RANBP9: variants seen among roughly 807,000 people sequenced by gnomAD.
RANBP9 encodes RAN binding protein 9, also known as ran-binding protein 9.
Under a neutral mutation model 84.3 loss-of-function variants are expected in RANBP9, and 15 were observed. The observed-to-expected ratio is 0.18, with a 90% confidence interval of 0.12 to 0.27. The LOEUF (loss-of-function observed/expected upper bound fraction) is 0.27. Among genes scored for constraint, RANBP9 ranks in the 10% least tolerant of loss-of-function variants. RANBP9 has a pLI of 1.00. For missense variants in RANBP9, 809 were observed against 912.8 expected, an observed-to-expected ratio of 0.89 and a Z score of 1.46; for synonymous variants, 392 against 349.6, an observed-to-expected ratio of 1.12 and a Z score of -1.35.
At chr6:13,651,485 C>T (rs1377639775) in intron 5 of RANBP9, among the ~76,000 whole-genome samples, 1 of 151,974 alleles carries the variant, frequency 6.6e-6, no homozygotes, top group African/African-American at 2.4e-5. Context: ...AGCTCCGCCT[C>T]CTGGGTTCAC....
chr6:13,710,159 G>C (rs1408792945), intron 1 of RANBP9, among the ~76,000 whole-genome samples: 1 of 152,182 alleles, frequency 6.6e-6, no homozygotes, highest in Admixed American at 6.5e-5. Flanking sequence ...ACAAGCCTAA[G>C]GTTGTTGTTT....
rs762326856 is a variant in RANBP9, at chr6:13,644,553, C to G, written c.1104G>C (p.Met368Ile). 4.3e-6 allele frequency: 7 copies of G among 1,610,474 alleles called. No individual in the cohort carries two copies. The highest frequency in any genetic ancestry group is 5.9e-6 in the Non-Finnish European group (7 of 1,178,646). The change falls in exon 6 of 14, where the codon ATG becomes ATC. Residue 368 changes from methionine to isoleucine, a missense_variant. This residue lies in a region of RANBP9 where 216 missense variants were observed against 329.0 expected (regional missense o/e 0.66). Transcript: ENST00000011619. ...AATTTCTTCACTCTTACTTTTGTAT[C>G]ATGGTCTGCCATTCTCCTTCTCGAT... ...IGDREGEWQTMIQKMVSSYLV... is the reference protein window; with the variant it reads ...IGDREGEWQTIIQKMVSSYLV...
At chr6:13,689,436 A>T (rs1034370535) in intron 2 of RANBP9, among the ~76,000 whole-genome samples, 2 of 151,754 alleles carry the variant, frequency 1.3e-5, no homozygotes, top group African/African-American at 4.8e-5. Flanking sequence ...ACACCCAGCT[A>T]ATTTTTGTAC....
intron 2 of RANBP9, among the ~76,000 whole-genome samples, chr6:13,673,031 C>G (rs1332007971): frequency 6.6e-6 from 1 of 152,160 alleles, no homozygotes; most frequent in Non-Finnish European, 1.5e-5. Flanking sequence ...GACAGATCCC[C>G]CAAACCCCAA....
intron 2 of RANBP9, among the ~76,000 whole-genome samples, chr6:13,688,723 C>T (rs1766248716): frequency 1.3e-5 from 2 of 151,632 alleles, no homozygotes; most frequent in South Asian, 4.2e-4. Context: ...CCTCAGGCAA[C>T]CGCCTCACAA....
At chr6:13,683,183 A>C (rs966691915) in intron 2 of RANBP9, among the ~76,000 whole-genome samples, 2 of 152,170 alleles carry the variant, frequency 1.3e-5, no homozygotes, top group Admixed American at 1.3e-4. Context: ...CATACTACTA[A>C]ATCATCCACA....
chr6:13,681,350 A>G (rs1411490462), intron 2 of RANBP9, among the ~76,000 whole-genome samples: 3 of 152,074 alleles, frequency 2.0e-5, no homozygotes, highest in African/African-American at 7.2e-5. Flanking sequence ...ATGTAATTCT[A>G]TTTGTCAAAA....
intron 12 of RANBP9, among the ~76,000 whole-genome samples, chr6:13,628,586 T>C (rs1258523022): frequency 3.3e-5 from 5 of 152,170 alleles, no homozygotes; most frequent in Non-Finnish European, 7.4e-5. Context: ...GGCTTGGAAG[T>C]AGAGTGAAGC....
chr6:13,630,177 G>T (rs1366734546), intron 12 of RANBP9, among the ~76,000 whole-genome samples: 1 of 152,114 alleles, frequency 6.6e-6, no homozygotes, highest in Non-Finnish European at 1.5e-5. Flanking sequence ...ATCAAGATAA[G>T]TTTGGGAAAT....
intron 2 of RANBP9, among the ~76,000 whole-genome samples, chr6:13,695,406 T>TG (rs1554227170): frequency 3.3e-5 from 5 of 150,266 alleles, no homozygotes; most frequent in South Asian, 2.1e-4. Flanking sequence ...CAAATGTTTT[T>TG]TTTTTTTTTT....
chr6:13,699,512 T>C (rs1278382117), intron 1 of RANBP9, among the ~76,000 whole-genome samples: 1 of 152,226 alleles, frequency 6.6e-6, no homozygotes. Flanking sequence ...TATTTGTGCA[T>C]ACTTACCAGT....
intron 2 of RANBP9, among the ~76,000 whole-genome samples, chr6:13,689,943 C>CTA (rs1766284556): frequency 6.6e-6 from 1 of 152,136 alleles, no homozygotes; most frequent in Non-Finnish European, 1.5e-5. Context: ...CAACAAAGGA[C>CTA]TATGTATGTA....
At chr6:13,624,321 C>T (rs568588223) in intron 13 of RANBP9, among the ~76,000 whole-genome samples, 2 of 152,170 alleles carry the variant, frequency 1.3e-5, no homozygotes, top group African/African-American at 4.8e-5. Flanking sequence ...GCCCTCATTG[C>T]AAGTCTCCCT....
intron 2 of RANBP9, among the ~76,000 whole-genome samples, chr6:13,667,643 C>T (rs1353918443): frequency 2.0e-5 from 3 of 152,068 alleles, no homozygotes; most frequent in Non-Finnish European, 2.9e-5. Context: ...TTTAGATACA[C>T]AAAACCATTG....
At chr6:13,701,473 T>C (rs1328990226) in intron 1 of RANBP9, among the ~76,000 whole-genome samples, 2 of 152,118 alleles carry the variant, frequency 1.3e-5, no homozygotes, top group African/African-American at 4.8e-5. Context: ...TCACCTCTTA[T>C]CAAGAAAACA....
At chr6:13,701,738 C>A (rs1420328635) in intron 1 of RANBP9, among the ~76,000 whole-genome samples, 1 of 151,740 alleles carries the variant, frequency 6.6e-6, no homozygotes, top group African/African-American at 2.4e-5. Flanking sequence ...CCACTGCACT[C>A]CAGCCTGGGC....
chr6:13,707,019 A>G (rs1758146638), intron 1 of RANBP9, among the ~76,000 whole-genome samples: 1 of 151,960 alleles, frequency 6.6e-6, no homozygotes, highest in Non-Finnish European at 1.5e-5. Flanking sequence ...AAAAAAAAAA[A>G]AAAATGCAAT....
At chr6:13,674,177 A>G (rs1181023633) in intron 2 of RANBP9, among the ~76,000 whole-genome samples, 1 of 152,216 alleles carries the variant, frequency 6.6e-6, no homozygotes, top group Middle Eastern at 3.2e-3. Flanking sequence ...CCCAACTTTA[A>G]CAATACTTTC....
At chr6:13,624,639 C>T (rs1485919141) in intron 13 of RANBP9, among the ~76,000 whole-genome samples, 1 of 152,218 alleles carries the variant, frequency 6.6e-6, no homozygotes, top group Non-Finnish European at 1.5e-5. Flanking sequence ...ATAAAAAGTA[C>T]TTGTTCAGTA....
Sources: gnomAD v4.1 joint callset for allele counts (sites outside exome capture counted in the v4.1 genomes callset) on GRCh38, gnomAD v4.1.1 for gene constraint, gnomAD v4.1.1 regional missense constraint, MANE v1.5 for transcripts, NCBI Gene and HGNC (gene_info 2026-07-23, HGNC 2026-07-21) for gene names.